Variants in CHKA observed in about 807,000 individuals in gnomAD.
CHKA encodes CHETK-alpha.
In CHKA, 34 loss-of-function variants were observed where a neutral mutation model predicts 60.1. The observed-to-expected ratio is 0.57, with a 90% CI of 0.43 to 0.75. CHKA has a LOEUF of 0.75. Among genes scored for constraint, CHKA ranks in the 30% least tolerant of loss-of-function variants. The probability of loss-of-function intolerance (pLI) is 0.00; values close to 1 mark genes in which losing one functional copy is unlikely to be tolerated. For synonymous variants in CHKA, 217 were observed against 223.1 expected, an observed-to-expected ratio of 0.97 and a Z score of 0.24; for missense variants, 563 against 561.3, an observed-to-expected ratio of 1.00 and a Z score of -0.03.
chr11:68,091,599 T>C (rs1857351830), intron 2 of CHKA, among the ~76,000 whole-genome samples: 1 of 152,230 alleles, frequency 6.6e-6, no homozygotes, highest in Non-Finnish European at 1.5e-5. Context: ...AGACAGATGT[T>C]TGTGGGACAG....
chr11:68,099,811 A>G (rs1857643449), intron 1 of CHKA, among the ~76,000 whole-genome samples: 1 of 152,226 alleles, frequency 6.6e-6, no homozygotes, highest in Non-Finnish European at 1.5e-5. Context: ...GCAAAGGCAA[A>G]CAGATGAAGT....
chr11:68,069,393 G>A (rs1393706243), intron 6 of CHKA, among the ~76,000 whole-genome samples: 1 of 152,138 alleles, frequency 6.6e-6, no homozygotes. Flanking sequence ...AATTAAAGGT[G>A]TAAATACTTG....
intron 1 of CHKA, among the ~76,000 whole-genome samples, 194 bp from the exon 2 acceptor site, chr11:68,097,324 G>A (rs1284950643): frequency 6.6e-6 from 1 of 152,158 alleles, no homozygotes; most frequent in Non-Finnish European, 1.5e-5. Context: ...CAGTAGAGGT[G>A]GGGAAGCGTT....
intron 1 of CHKA, among the ~76,000 whole-genome samples, chr11:68,102,400 CCA>C (rs765362884): frequency 2.0e-5 from 3 of 152,152 alleles, no homozygotes; most frequent in Non-Finnish European, 2.9e-5. Context: ...ACAAATTAAT[CCA>C]CACTTACAGC....
At chr11:68,086,786 G>C (rs1196181264) in intron 2 of CHKA, among the ~76,000 whole-genome samples, 1 of 152,168 alleles carries the variant, frequency 6.6e-6, no homozygotes, top group African/African-American at 2.4e-5. Flanking sequence ...AGGGGATTGA[G>C]ACCATCCTGG....
chr11:68,079,720 A>G (rs1311849475), intron 3 of CHKA, among the ~76,000 whole-genome samples: 1 of 152,230 alleles, frequency 6.6e-6, no homozygotes, highest in African/African-American at 2.4e-5. Flanking sequence ...TTCACATAAA[A>G]AAGACTGAAA....
chr11:68,106,781 T>TA (rs2153028077), intron 1 of CHKA, among the ~76,000 whole-genome samples: 1 of 152,330 alleles, frequency 6.6e-6, no homozygotes, highest in African/African-American at 2.4e-5. Context: ...GAAGAAAGGA[T>TA]AAAGCTCAGT....
intron 1 of CHKA, among the ~76,000 whole-genome samples, chr11:68,105,664 C>T (rs565656926): frequency 7.9e-5 from 12 of 151,952 alleles, no homozygotes; most frequent in African/African-American, 2.7e-4. Context: ...TATGTGAATC[C>T]GCTGAATGAA....
intron 4 of CHKA, 56 bp downstream of exon 4, chr11:68,074,661 G>T: frequency 6.8e-7 from 1 of 1,478,090 alleles, no homozygotes. Flanking sequence ...ATGAGACAAA[G>T]AAGCCATCTT....
At chr11:68,064,995 T>A (rs1856392875) in intron 9 of CHKA, among the ~76,000 whole-genome samples, 1 of 152,206 alleles carries the variant, frequency 6.6e-6, no homozygotes, top group Non-Finnish European at 1.5e-5. Flanking sequence ...GGCTGAGGAA[T>A]GGGAGAGAAA....
intron 2 of CHKA, among the ~76,000 whole-genome samples, chr11:68,087,868 G>A (rs1052100910): frequency 5.9e-5 from 9 of 151,966 alleles, no homozygotes; most frequent in African/African-American, 9.7e-5. Context: ...ATCCCAGCAC[G>A]TTGGGAGGCC....
Position 68,068,869 on chromosome 11 carries a change from C to T in CHKA, c.928+10G>A. 1 of 1,595,824 alleles carries T rather than the reference C, an allele frequency of 6.3e-7. No homozygotes were observed. Among genetic ancestry groups the T allele is most frequent in the Non-Finnish European group, 8.6e-7 (1 of 1,163,820 alleles). ...AAACCTCATCTGTAACAGAACATAG[C>T]AATTCTTACCTTCTTGACAGTCATT... On this transcript the variant is annotated intron_variant, in intron 7 of 11. Coordinates refer to ENST00000265689, the MANE Select transcript of CHKA (RefSeq NM_001277.3).
rs756537958 is a variant in CHKA, at chr11:68,061,919, GAAAAA to G, written c.1314+29_1314+33del. ...TAGCATTTTTACCTGGGAGTAGGAA[GAAAAA>G]AAAAAACAAAAACGCTGCTAAAACA... On this transcript the variant is annotated intron_variant, in intron 11 of 11. Transcript: ENST00000265689. 5.1e-5 allele frequency: 56 copies of G among 1,098,712 alleles called. 1 individual carries two copies. The South Asian group carries it at 8.5e-4, about 17-fold the overall frequency. 68.1% of individuals were successfully genotyped at this position (1,098,712 alleles called of 1,614,324 possible). A position where few individuals can be genotyped will look rare whatever the true frequency, so the allele number is the denominator to read the frequency against.
At chr11:68,112,246 G>A (rs1364181348) in intron 1 of CHKA, among the ~76,000 whole-genome samples, 1 of 151,122 alleles carries the variant, frequency 6.6e-6, no homozygotes, top group East Asian at 1.9e-4. Flanking sequence ...TATGGTGATT[G>A]CTTTTATTTA....
chr11:68,086,117 A>G (rs1382731499), intron 2 of CHKA, among the ~76,000 whole-genome samples: 2 of 152,122 alleles, frequency 1.3e-5, no homozygotes, highest in Non-Finnish European at 2.9e-5. Flanking sequence ...GATCGACACC[A>G]TCCTTGCCAA....
rs556091757 is a variant in CHKA at position 68,103,830 on chromosome 11, C to T, written c.351-6700G>A. Among the ~76,000 whole-genome samples the T allele has an allele frequency of 2.6e-5, 4 of 151,958 alleles. No individual in the cohort carries two copies. In the South Asian group the frequency reaches 8.3e-4, roughly 32 times the overall value. On this transcript the variant is annotated intron_variant, in intron 1 of 11. Coordinates refer to ENST00000265689, the MANE Select transcript of CHKA (RefSeq NM_001277.3). ...TTGTGAGGAGGAAGCACGAGAATCA[C>T]TTGAACCCGGGAGGCAGTGTTGCAG...
chr11:68,095,898 C>T (rs1279551705), intron 2 of CHKA, among the ~76,000 whole-genome samples: 1 of 146,210 alleles, frequency 6.8e-6, no homozygotes, highest in Admixed American at 6.9e-5. Context: ...AAAAATTAGG[C>T]GGGTGTAGTG....
chr11:68,104,085 T>C (rs1330375214), intron 1 of CHKA, among the ~76,000 whole-genome samples: 2 of 152,124 alleles, frequency 1.3e-5, no homozygotes, highest in African/African-American at 4.8e-5. Context: ...AGAATAAATG[T>C]AAGTGTCCAT....
chr11:68,075,897 C>T (rs1488212417), intron 3 of CHKA, among the ~76,000 whole-genome samples: 1 of 152,200 alleles, frequency 6.6e-6, no homozygotes, highest in Non-Finnish European at 1.5e-5. Flanking sequence ...TAATTCACCC[C>T]CTGTGAAGCA....
Sources: allele counts gnomAD v4.1 joint callset (sites outside exome capture counted in the v4.1 genomes callset), GRCh38; gene constraint gnomAD v4.1.1; transcripts MANE v1.5; gene names NCBI Gene and HGNC (gene_info 2026-07-23, HGNC 2026-07-21).